The following MACF1 variants were observed in gnomAD, a reference collection of about 807,000 sequenced individuals.
MACF1 encodes the protein microtubule-actin cross-linking factor 1.
A neutral mutation model predicts 854.8 loss-of-function variants in MACF1; 193 were observed. The observed-to-expected ratio is 0.23, with a 90% CI of 0.20 to 0.25. MACF1 has a LOEUF of 0.25. Ranked by LOEUF, MACF1 falls within the 10% of genes least tolerant of loss-of-function variation. The pLI, the probability that MACF1 is intolerant of heterozygous loss-of-function variation, is 1.00. For missense variants in MACF1, 7,722 were observed against 8,929.1 expected, an observed-to-expected ratio of 0.86 and a Z score of 5.45; for synonymous variants, 3,185 against 3,226.7, an observed-to-expected ratio of 0.99 and a Z score of 0.44.
chr1:39,366,761 C>T (rs1260285392), intron 49 of MACF1, among the ~76,000 whole-genome samples: 1 of 149,442 alleles, frequency 6.7e-6, no homozygotes, highest in Admixed American at 6.7e-5. Flanking sequence ...ATGGCACAAT[C>T]TCGGCTCACT....
At chr1:39,309,467 A>G (rs1327573466) in intron 23 of MACF1, 103 bp from the exon 24 acceptor site, 88 of 1,378,524 alleles carry the variant, frequency 6.4e-5, no homozygotes, top group South Asian at 2.9e-4. Flanking sequence ...TGCTCAACAT[A>G]TAAGCTCAAT....
chr1:39,129,491 C>T (rs1273621508), intron 2 of MACF1, among the ~76,000 whole-genome samples: 1 of 152,144 alleles, frequency 6.6e-6, no homozygotes, highest in Non-Finnish European at 1.5e-5. Context: ...TAAAACTGTA[C>T]CAGCCATCTA....
intron 40 of MACF1, among the ~76,000 whole-genome samples, chr1:39,344,115 CAAA>C (rs61427648): frequency 1.1e-5 from 1 of 94,818 alleles, no homozygotes. Context: ...AACTCCATCT[CAAA>C]AAAAAAAAAA....
At chr1:39,375,210 T>C (rs538171103) in intron 52 of MACF1, among the ~76,000 whole-genome samples, 8 of 152,134 alleles carry the variant, frequency 5.3e-5, no homozygotes, top group Non-Finnish European at 1.2e-4. Flanking sequence ...TGTTATGAAA[T>C]CCATCAGTAA....
At chr1:39,480,881 A>G in intron 98 of MACF1, 39 bp from the exon 99 acceptor site, 1 of 1,112,538 alleles carries the variant, frequency 9.0e-7, no homozygotes, top group Non-Finnish European at 1.3e-6. Flanking sequence ...TTCCTTTTTC[A>G]ATTGTTCCTG....
At chr1:39,262,119 C>T (rs565735674) in intron 6 of MACF1, among the ~76,000 whole-genome samples, 58 of 152,042 alleles carry the variant, frequency 3.8e-4, no homozygotes, top group African/African-American at 6.7e-4. Context: ...GGAAGATACA[C>T]GGCTGAGTGC....
At chr1:39,447,975 A>G (rs895921571) in intron 82 of MACF1, 58 bp from the exon 83 acceptor site, 6 of 1,611,824 alleles carry the variant, frequency 3.7e-6, no homozygotes, top group Non-Finnish European at 5.1e-6. Context: ...ATGATTCTCA[A>G]ACGTGCTGTA....
In MACF1 at chr1:39,317,540, T is replaced by C. The variant is rs1387742254; in HGVS notation, c.3782+133T>C. The C allele has an allele frequency of 4.9e-6, 5 of 1,012,630 alleles. No homozygotes were observed. In the African/African-American group the frequency reaches 8.2e-5, roughly 17 times the overall value. 62.7% of individuals were successfully genotyped at this position (1,012,630 alleles called of 1,614,324 possible). ...GAGGGGTGGAAATTTAAAAACCACA[T>C]AAATTCTGGACAAGTAAGTGACAGA... On this transcript the variant is annotated intron_variant, in intron 29 of 100. Coordinates refer to ENST00000564288, the MANE Select transcript of MACF1 (RefSeq NM_001394062.1).
chr1:39,105,594 G>A lies in MACF1; in HGVS notation c.220+21156G>A. ...GCGGGCCTGGAACCGGCAGCCCCCGGGGCTCGGCGAGAAGGCGGTGCGGGC... is the reference window on the plus strand; with the variant it reads ...GCGGGCCTGGAACCGGCAGCCCCCGAGGCTCGGCGAGAAGGCGGTGCGGGC... On this transcript the variant is annotated intron_variant, in intron 2 of 93. Coordinates refer to the MACF1 transcript ENST00000361689. This position sits in a 1 kb window ranked among gnomAD's most constrained non-coding sequence, Gnocchi z 5.9. 1 of 1,213,866 alleles carries A rather than the reference G, an allele frequency of 8.2e-7. No homozygotes were observed. The highest frequency in any genetic ancestry group is 1.1e-6 in the Non-Finnish European group (1 of 950,552). 75.2% of individuals were successfully genotyped at this position (1,213,866 alleles called of 1,614,324 possible). A position where few individuals can be genotyped will look rare whatever the true frequency, so the allele number is the denominator to read the frequency against.
At chr1:39,168,505 G>A (rs1039776567) in intron 2 of MACF1, among the ~76,000 whole-genome samples, 5 of 152,112 alleles carry the variant, frequency 3.3e-5, no homozygotes, top group South Asian at 2.1e-4. Context: ...GTGTGTGTGC[G>A]TGTGTGTGGA....
intron 2 of MACF1, among the ~76,000 whole-genome samples, chr1:39,175,342 C>T (rs1557498463): frequency 1.3e-5 from 2 of 152,166 alleles, no homozygotes; most frequent in Non-Finnish European, 2.9e-5. Flanking sequence ...AATTAGGAGA[C>T]ATTTTATATG....
At position 39,310,367 on chromosome 1, in the gene MACF1, G is replaced by A. The variant is rs775618362; in HGVS notation, c.3039G>A (p.Leu1013=). The change falls in exon 25 of 101, where the codon TTG becomes TTA. Residue 1013 remains leucine, a synonymous_variant. Transcript: ENST00000564288. ...TCTCAGTGGCTGATCGCTTGCGCTT[G>A]GAAGAGGAGGTGGAAGCTTGTAAAG... The part of the protein sequence containing the change: ...VLFSVADRLR[L]EEEVEACKAR... 6.2e-7 allele frequency: 1 copy of A among 1,614,158 alleles called. No individual in the cohort carries two copies. Among genetic ancestry groups the A allele is most frequent in the East Asian group, 2.2e-5 (1 of 44,878 alleles).
chr1:39,237,057 C>G (rs991446886), intron 2 of MACF1, among the ~76,000 whole-genome samples: 1 of 152,230 alleles, frequency 6.6e-6, no homozygotes, highest in African/African-American at 2.4e-5. Context: ...CGTTTCCAAC[C>G]CACCTGTCTA....
intron 44 of MACF1, 144 bp downstream of exon 44, chr1:39,353,375 C>G (rs563880672): frequency 2.3e-5 from 14 of 596,502 alleles, no homozygotes; most frequent in South Asian, 1.7e-4. Flanking sequence ...ACACTGTTGG[C>G]CACTCCTCTT....
chr1:39,319,566 G>GCCTTAGAACTAAGTAA, intron 30 of MACF1, 98 bp from the exon 31 acceptor site: 1 of 792,598 alleles, frequency 1.3e-6, no homozygotes, highest in Non-Finnish European at 2.1e-6. Flanking sequence ...TTCTGATGCA[G>GCCTTAGAACTAAGTAA]CTAAGGTTTG....
intron 6 of MACF1, among the ~76,000 whole-genome samples, chr1:39,262,870 G>T (rs1405169525): frequency 2.6e-5 from 4 of 152,092 alleles, no homozygotes; most frequent in African/African-American, 2.4e-5. Flanking sequence ...CGTTCTGAGG[G>T]CTTGGTATTT....
Position 39,422,417 on chromosome 1 carries a change from A to G in MACF1, c.15860A>G (p.Gln5287Arg), listed in dbSNP as rs776845476. The G allele has an allele frequency of 6.2e-7, 1 of 1,614,186 alleles. No individual in the cohort carries two copies. The highest frequency in any genetic ancestry group is 1.1e-5 in the South Asian group (1 of 91,088). ...GTGGATCCTCTTCAGATGAAATTGCAGCAGGTGAATGGACTTGGCCAGGGA... is the reference window on the plus strand; with the variant it reads ...GTGGATCCTCTTCAGATGAAATTGCGGCAGGTGAATGGACTTGGCCAGGGA... ...EQVDPLQMKL[Q>R]QVNGLGQGLI... Residue 5287 changes from glutamine to arginine, a missense_variant, in exon 59 of 101, where the codon CAG becomes CGG. Transcript: ENST00000564288.
chr1:39,402,825 T>C (rs960256245), intron 58 of MACF1, among the ~76,000 whole-genome samples: 2 of 152,198 alleles, frequency 1.3e-5, no homozygotes, highest in African/African-American at 4.8e-5. Context: ...ATCTTCTTTC[T>C]TGAAAGTTAA....
rs756545696 is a variant in MACF1 at position 39,427,416 on chromosome 1, C to T, written c.16317-39C>T. ...AGTACTATTACCAGTTTTAATGTGA[C>T]TTTTCTTCCTGAGCAGCTTGTTCTA... On this transcript the variant is annotated intron_variant, in intron 61 of 100. Coordinates refer to ENST00000564288, the MANE Select transcript of MACF1 (RefSeq NM_001394062.1). 37 of 1,594,956 alleles carry T rather than the reference C, an allele frequency of 2.3e-5. No individual in the cohort carries two copies. In the South Asian group the frequency reaches 4.2e-4, roughly 18 times the overall value.
Sources: gnomAD v4.1 joint callset for allele counts (sites outside exome capture counted in the v4.1 genomes callset) on GRCh38, gnomAD v4.1.1 for gene constraint, Gnocchi (gnomAD v3.1) non-coding constraint, MANE v1.5 for transcripts, NCBI Gene and HGNC (gene_info 2026-07-23, HGNC 2026-07-21) for gene names.